Variants in DDX10 observed in about 807,000 individuals in gnomAD.
The protein encoded by DDX10 is probable ATP-dependent RNA helicase DDX10.
A neutral mutation model predicts 104.3 loss-of-function variants in DDX10; 74 were observed. The observed-to-expected ratio is 0.71, with a 90% CI of 0.59 to 0.86. The LOEUF (loss-of-function observed/expected upper bound fraction) is 0.86, where lower values mean the gene tolerates loss of function less well. Among genes scored for constraint, DDX10 ranks in the 40% least tolerant of loss-of-function variants. The pLI, the probability that DDX10 is intolerant of heterozygous loss-of-function variation, is 0.00. For missense variants in DDX10, 952 were observed against 1,040.0 expected (o/e 0.92, Z 1.16); for synonymous variants, 351 against 353.4 (o/e 0.99, Z 0.08).
At chr11:108,825,523 C>T (rs1268720298) in intron 13 of DDX10, among the ~76,000 whole-genome samples, 1 of 152,080 alleles carries the variant, frequency 6.6e-6, no homozygotes, top group African/African-American at 2.4e-5. Flanking sequence ...CCTCCTTAAC[C>T]AGAAGGAAGT....
intron 13 of DDX10, among the ~76,000 whole-genome samples, chr11:108,823,302 G>A (rs1166497068): frequency 6.6e-6 from 1 of 152,152 alleles, no homozygotes; most frequent in African/African-American, 2.4e-5. Context: ...TTATATACAA[G>A]GTAGAACTTG....
intron 13 of DDX10, among the ~76,000 whole-genome samples, chr11:108,832,068 A>C (rs1862480193): frequency 6.6e-6 from 1 of 152,184 alleles, no homozygotes; most frequent in Non-Finnish European, 1.5e-5. Flanking sequence ...TAGGGCTGCT[A>C]TAAATTTCAT....
At chr11:108,698,970 C>T (rs1434968187) in intron 9 of DDX10, among the ~76,000 whole-genome samples, 2 of 152,198 alleles carry the variant, frequency 1.3e-5, no homozygotes, top group African/African-American at 2.4e-5. Context: ...CTGTCTTCCT[C>T]ACCCTCCCCA....
intron 9 of DDX10, among the ~76,000 whole-genome samples, chr11:108,705,442 G>C (rs1159313753): frequency 6.6e-6 from 1 of 152,122 alleles, no homozygotes; most frequent in African/African-American, 2.4e-5. Flanking sequence ...AACCCTGAGT[G>C]GCCTCTTTTC....
chr11:108,914,502 C>T (rs1863719770), intron 16 of DDX10, among the ~76,000 whole-genome samples: 1 of 152,120 alleles, frequency 6.6e-6, no homozygotes, highest in Non-Finnish European at 1.5e-5. Flanking sequence ...ATAAGCAGCT[C>T]CTTACTATGG....
intron 13 of DDX10, among the ~76,000 whole-genome samples, chr11:108,742,534 C>T (rs2094326512): frequency 6.6e-6 from 1 of 152,190 alleles, no homozygotes; most frequent in Non-Finnish European, 1.5e-5. Context: ...CATTGCATGC[C>T]AGCCTGGGCA....
intron 16 of DDX10, among the ~76,000 whole-genome samples, chr11:108,873,999 C>G (rs1477430749): frequency 1.3e-5 from 2 of 152,102 alleles, no homozygotes; most frequent in Non-Finnish European, 2.9e-5. Context: ...AAGTAGCTAC[C>G]TACTTGACCT....
chr11:108,728,315 C>T (rs910055084), intron 13 of DDX10, among the ~76,000 whole-genome samples: 2 of 151,896 alleles, frequency 1.3e-5, no homozygotes, highest in Non-Finnish European at 2.9e-5. Context: ...GCGGGGGACT[C>T]TGCAAGAGTG....
intron 16 of DDX10, among the ~76,000 whole-genome samples, chr11:108,875,243 C>A (rs1863137169): frequency 6.6e-6 from 1 of 152,164 alleles, no homozygotes; most frequent in Admixed American, 6.5e-5. Context: ...GTCTGACACA[C>A]ACATTTCCAA....
intron 15 of DDX10, 42 bp downstream of exon 15, chr11:108,841,518 G>A: frequency 1.3e-6 from 2 of 1,566,494 alleles, no homozygotes; most frequent in Non-Finnish European, 1.7e-6. Context: ...AAAATTTAGT[G>A]TCCCGAAGTA....
chr11:108,896,180 G>T (rs1863438445), intron 16 of DDX10, among the ~76,000 whole-genome samples: 1 of 152,084 alleles, frequency 6.6e-6, no homozygotes, highest in South Asian at 2.1e-4. Flanking sequence ...AATTGTTATA[G>T]AGCAATTCTT....
At chr11:108,748,171 A>C (rs1413380398) in intron 13 of DDX10, among the ~76,000 whole-genome samples, 3 of 152,218 alleles carry the variant, frequency 2.0e-5, no homozygotes, top group Non-Finnish European at 4.4e-5. Flanking sequence ...AGGATGGGCC[A>C]CAGCCACAGG....
At chr11:108,903,856 A>G (rs1863552512) in intron 16 of DDX10, among the ~76,000 whole-genome samples, 2 of 152,046 alleles carry the variant, frequency 1.3e-5, no homozygotes, top group South Asian at 4.1e-4. Context: ...CCACTTTCTG[A>G]CTGTTATAAA....
chr11:108,840,686 C>A (rs1269704725), intron 14 of DDX10, among the ~76,000 whole-genome samples: 1 of 152,156 alleles, frequency 6.6e-6, no homozygotes, highest in Non-Finnish European at 1.5e-5. Flanking sequence ...GAAACCCAAA[C>A]TGATTTTCTC....
chr11:108,776,200 A>C (rs1408022414), intron 13 of DDX10, among the ~76,000 whole-genome samples: 1 of 152,214 alleles, frequency 6.6e-6, no homozygotes, highest in Admixed American at 6.5e-5. Flanking sequence ...CTCAGACTCC[A>C]AACTTTGTCT....
At chr11:108,883,779 C>T (rs187798985) in intron 16 of DDX10, among the ~76,000 whole-genome samples, 1 of 152,170 alleles carries the variant, frequency 6.6e-6, no homozygotes, top group South Asian at 2.1e-4. Context: ...TCAATTCTGT[C>T]TTTATTTTAC....
intron 13 of DDX10, among the ~76,000 whole-genome samples, chr11:108,734,056 T>C (rs968794515): frequency 1.3e-5 from 2 of 152,200 alleles, no homozygotes; most frequent in Non-Finnish European, 2.9e-5. Context: ...CCCTTACTTC[T>C]TCAACCCACT....
chr11:108,681,185 C>T (rs536527596), intron 6 of DDX10, among the ~76,000 whole-genome samples: 7 of 151,978 alleles, frequency 4.6e-5, no homozygotes, highest in East Asian at 1.9e-4. Context: ...TTAATTTGTA[C>T]GTATTATTTC....
At chr11:108,853,616 T>C (rs1862825374) in intron 16 of DDX10, among the ~76,000 whole-genome samples, 1 of 152,164 alleles carries the variant, frequency 6.6e-6, no homozygotes, top group African/African-American at 2.4e-5. Context: ...CCTCTTCTTT[T>C]ATTCCCCCAT....
Sources: gnomAD v4.1 joint callset for allele counts (sites outside exome capture counted in the v4.1 genomes callset) on GRCh38, gnomAD v4.1.1 for gene constraint, MANE v1.5 for transcripts, NCBI Gene and HGNC (gene_info 2026-07-23, HGNC 2026-07-21) for gene names.